CRYBA4: variants seen among roughly 807,000 people sequenced by gnomAD.
CRYBA4 encodes beta-crystallin A4.
A neutral mutation model predicts 31.7 loss-of-function variants in CRYBA4; 30 were observed. The ratio of observed to expected loss-of-function variants is 0.95; its 90% CI spans 0.71 to 1.28. The LOEUF is 1.28. Ranked by LOEUF, CRYBA4 falls within the 50% of genes most tolerant of loss-of-function variation. The pLI is 0.00. For synonymous variants in CRYBA4, 102 were observed against 102.3 expected, an observed-to-expected ratio of 1.00 and a Z score of 0.02; for missense variants, 225 against 260.7, an observed-to-expected ratio of 0.86 and a Z score of 0.94.
the CRYBA4 span, among the ~76,000 whole-genome samples, chr22:26,592,549 C>T: frequency 2.0e-5 from 3 of 152,210 alleles, no homozygotes; most frequent in South Asian, 2.1e-4. Flanking sequence ...AGGAAGGAAG[C>T]GAGCCTGGGG....
At chr22:26,612,684 C>A in the CRYBA4 span, among the ~76,000 whole-genome samples, 1 of 152,226 alleles carries the variant, frequency 6.6e-6, no homozygotes, top group African/African-American at 2.4e-5. Flanking sequence ...AAGATCTGCG[C>A]CATCATTAGG....
At chr22:26,601,853 G>A in the CRYBA4 span, 19 of 1,611,416 alleles carry the variant, frequency 1.2e-5, no homozygotes, top group South Asian at 2.2e-5. Context: ...AGCAGGGGAC[G>A]CGGACCTGGC....
chr22:26,616,433 G>A, the CRYBA4 span: 5 of 821,444 alleles, frequency 6.1e-6, no homozygotes, highest in Non-Finnish European at 1.0e-5. Context: ...CTTGGAGCTC[G>A]TTTCCTCTCT....
chr22:26,611,720 C>T, the CRYBA4 span, among the ~76,000 whole-genome samples: 3 of 152,070 alleles, frequency 2.0e-5, no homozygotes, highest in East Asian at 3.9e-4. Flanking sequence ...GTGATCCACC[C>T]GCCTCGGCCT....
chr22:26,607,862 T>C, the CRYBA4 span: 3 of 1,613,986 alleles, frequency 1.9e-6, no homozygotes, highest in Non-Finnish European at 2.5e-6. Context: ...TGGCTGATTC[T>C]CCAGCCCCAG....
At chr22:26,617,399 C>T (rs1005658099), upstream of CRYBA4, among the ~76,000 whole-genome samples, 8 of 152,298 alleles carry the variant, frequency 5.3e-5, no homozygotes, top group Non-Finnish European at 8.8e-5. Context: ...TTCTGTAAGG[C>T]GGAGCTAGTT....
In CRYBA4 at chr22:26,624,401, C is replaced by A. The variant is rs1292319358; in HGVS notation, c.158+1049C>A. ...TAGCTACCATATTGGATAGAAGGTT[C>A]TAGAAAGTTGGAAAGTAGATAGACA... On this transcript the variant is annotated intron_variant, in intron 3 of 5. Coordinates refer to ENST00000354760, the MANE Select transcript of CRYBA4 (RefSeq NM_001886.3). Among the ~76,000 whole-genome samples the A allele has an allele frequency of 2.0e-5, 3 of 151,912 alleles. No individual in the cohort carries two copies. The East Asian group carries it at 5.8e-4, about 29-fold the overall frequency.
the CRYBA4 span, among the ~76,000 whole-genome samples, chr22:26,605,207 T>C: frequency 6.6e-5 from 10 of 152,188 alleles, no homozygotes; most frequent in Non-Finnish European, 1.5e-4. Flanking sequence ...CTTTCCTAGT[T>C]AGATTGCATG....
At chr22:26,611,915 C>T in the CRYBA4 span, among the ~76,000 whole-genome samples, 1 of 152,136 alleles carries the variant, frequency 6.6e-6, no homozygotes, top group Admixed American at 6.5e-5. Context: ...GAGAACAATT[C>T]CTCCCTCTTC....
the CRYBA4 span, chr22:26,607,997 G>T: frequency 6.2e-7 from 1 of 1,614,222 alleles, no homozygotes; most frequent in Non-Finnish European, 8.5e-7. Context: ...CCCCGCGGAA[G>T]TTGGACTGCT....
In CRYBA4 at chr22:26,630,478, C is replaced by T. The variant is rs866607360; in HGVS notation, c.582C>T (p.Ile194=). ...PTFQVQSIRR[I]QQ is the part of the protein sequence containing the mutation. ...TCCAGGTGCAGAGCATCCGCAGGAT[C>T]CAGCAGTGAACAGGGGTGCGGCACG... The change falls in exon 6 of 6, where the codon ATC becomes ATT. Residue 194 remains isoleucine, a synonymous_variant. Coordinates refer to ENST00000354760, the MANE Select transcript of CRYBA4 (RefSeq NM_001886.3). The T allele has an allele frequency of 3.1e-6, 5 of 1,613,566 alleles. No homozygotes were observed. The highest frequency in any genetic ancestry group is 4.2e-6 in the Non-Finnish European group (5 of 1,179,896).
chr22:26,623,163 G>T lies in CRYBA4; in HGVS notation c.40-71G>T, dbSNP rs148670662. On this transcript the variant is annotated intron_variant, in intron 2 of 5. Coordinates refer to ENST00000354760, the MANE Select transcript of CRYBA4 (RefSeq NM_001886.3). ...CCTGCTTTACCTGCCAGATCCTGGG[G>T]CGAGCCCCCAACCTCTCACCCTTCA... 7.5e-4 allele frequency: 976 copies of T among 1,293,080 alleles called. 6 individuals are homozygous for T. In the African/African-American group the frequency reaches 0.013, roughly 17 times the overall value. The allele number at this position is 1,293,080 out of a possible 1,614,324, so 80.1% of individuals were successfully genotyped here.
chr22:26,612,232 G>A, the CRYBA4 span: 2 of 1,389,900 alleles, frequency 1.4e-6, no homozygotes, highest in Non-Finnish European at 2.0e-6. Flanking sequence ...GAGTGAGGGG[G>A]GAGTCAAAAA....
At chr22:26,618,477 AAAG>A (rs1929433286), upstream of CRYBA4, among the ~76,000 whole-genome samples, 2 of 145,000 alleles carry the variant, frequency 1.4e-5, no homozygotes, top group Non-Finnish European at 2.9e-5. Context: ...GCCATATAGA[AAAG>A]AAGGTGACAA....
chr22:26,621,687 A>C (rs538423566), upstream of CRYBA4, among the ~76,000 whole-genome samples: 120 of 152,278 alleles, frequency 7.9e-4, no homozygotes, highest in Non-Finnish European at 1.2e-3. Flanking sequence ...TGGACTCCTC[A>C]TCTAGTGCTC....
chr22:26,626,802 G>C (rs957915112), intron 4 of CRYBA4, among the ~76,000 whole-genome samples: 1 of 152,084 alleles, frequency 6.6e-6, no homozygotes, highest in African/African-American at 2.4e-5. Context: ...GTGTCTCTAT[G>C]TATATACACA....
At chr22:26,591,505 G>A in the CRYBA4 span, among the ~76,000 whole-genome samples, 1 of 150,428 alleles carries the variant, frequency 6.6e-6, no homozygotes, top group African/African-American at 2.4e-5. Flanking sequence ...CACTTTGGGA[G>A]GCCGATGCGG....
chr22:26,621,938 C>A (rs1049196365), upstream of CRYBA4: 37 of 985,372 alleles, frequency 3.8e-5, no homozygotes, highest in Middle Eastern at 5.2e-4. Flanking sequence ...CCTATAAGAG[C>A]CCGACCTCGG....
chr22:26,620,248 T>C (rs1026374978), upstream of CRYBA4, among the ~76,000 whole-genome samples: 1 of 152,332 alleles, frequency 6.6e-6, no homozygotes, highest in East Asian at 1.9e-4. Flanking sequence ...ATCTTTCTTA[T>C]TAGCAATGGT....
Sources: gnomAD v4.1 joint callset for allele counts (sites outside exome capture counted in the v4.1 genomes callset) on GRCh38, gnomAD v4.1.1 for gene constraint, MANE v1.5 for transcripts, NCBI Gene and HGNC (gene_info 2026-07-23, HGNC 2026-07-21) for gene names.